RNF144A: variants seen among roughly 807,000 people sequenced by gnomAD.
The protein encoded by RNF144A is ring finger protein 144A.
Under a neutral mutation model 38.7 loss-of-function variants are expected in RNF144A, and 11 were observed. That is an observed-to-expected ratio of 0.28 (90% confidence interval 0.18 to 0.47). RNF144A has a LOEUF of 0.47. Ranked by LOEUF, RNF144A falls within the 20% of genes least tolerant of loss-of-function variation. The pLI, the probability that RNF144A is intolerant of heterozygous loss-of-function variation, is 0.99. For missense variants in RNF144A, 316 were observed against 377.2 expected, an observed-to-expected ratio of 0.84 and a Z score of 1.34; for synonymous variants, 149 against 143.9, an observed-to-expected ratio of 1.04 and a Z score of -0.25.
chr2:7,015,206 C>T (rs1239461208), intron 5 of RNF144A, among the ~76,000 whole-genome samples: 2 of 152,220 alleles, frequency 1.3e-5, no homozygotes, highest in South Asian at 2.1e-4. Flanking sequence ...AACAACAGTC[C>T]GATGGTAGGT....
chr2:6,922,750 G>C (rs1018948385), intron 1 of RNF144A, among the ~76,000 whole-genome samples: 1 of 150,950 alleles, frequency 6.6e-6, no homozygotes, highest in Non-Finnish European at 1.5e-5. Flanking sequence ...TCAGCCTCCC[G>C]AGTAGCTGGG....
intron 2 of RNF144A, among the ~76,000 whole-genome samples, chr2:6,994,421 A>G (rs1669589694): frequency 6.6e-6 from 1 of 152,248 alleles, no homozygotes; most frequent in Non-Finnish European, 1.5e-5. Flanking sequence ...TTAAAGCAGA[A>G]AAAAGATACA....
intron 3 of RNF144A, among the ~76,000 whole-genome samples, chr2:6,997,477 C>T (rs13418719): frequency 0.31 from 47,025 of 152,066 alleles, 7,642 homozygotes; most frequent in African/African-American, 0.39. Context: ...TCATCTCTCA[C>T]TGGCTTAGTG....
intron 6 of RNF144A, among the ~76,000 whole-genome samples, chr2:7,054,166 G>T (rs1214166445): frequency 1.5e-5 from 2 of 130,772 alleles, no homozygotes; most frequent in Middle Eastern, 4.3e-3. Context: ...CTGAGACAAG[G>T]CAGACAGTGT....
At chr2:7,015,117 C>T (rs1367760191) in intron 5 of RNF144A, among the ~76,000 whole-genome samples, 4 of 152,080 alleles carry the variant, frequency 2.6e-5, no homozygotes, top group Non-Finnish European at 5.9e-5. Context: ...CTTGGACTGG[C>T]CCAGAAGTTA....
Position 7,039,947 on chromosome 2 carries a change from G to T in RNF144A, c.*187G>T. On this transcript the variant is annotated 3_prime_UTR_variant, in exon 9 of 9. Coordinates refer to ENST00000320892, the MANE Select transcript of RNF144A (RefSeq NM_014746.6). ...AATGTTCGCTGAGGCCCCAGGTGTG[G>T]TGGGGAGGGGAGGCAGGTGTGGGTA... is the stretch of plus-strand genomic sequence containing the variant. The T allele has an allele frequency of 2.8e-6, 4 of 1,407,518 alleles. No homozygotes were observed. The highest frequency in any genetic ancestry group is 3.7e-6 in the Non-Finnish European group (4 of 1,082,112). 87.2% of individuals were successfully genotyped at this position (1,407,518 alleles called of 1,614,324 possible).
intron 7 of RNF144A, 103 bp from the exon 8 acceptor site, chr2:7,030,023 A>G (rs1672173514): frequency 1.2e-6 from 1 of 819,258 alleles, no homozygotes; most frequent in Non-Finnish European, 2.1e-6. Context: ...TCATGTCTCC[A>G]CTTATCATGA....
At chr2:6,968,659 A>G (rs890338726) in intron 2 of RNF144A, among the ~76,000 whole-genome samples, 2 of 151,942 alleles carry the variant, frequency 1.3e-5, no homozygotes, top group African/African-American at 4.8e-5. Context: ...TTCTCCTACC[A>G]TATAAAATAA....
intron 2 of RNF144A, among the ~76,000 whole-genome samples, chr2:6,983,650 C>G (rs1209201512): frequency 6.6e-6 from 1 of 152,196 alleles, no homozygotes; most frequent in Admixed American, 6.5e-5. Flanking sequence ...TCAGGAGTTT[C>G]CTGACTGTTT....
intron 1 of RNF144A, among the ~76,000 whole-genome samples, chr2:6,932,012 GT>G (rs964179471): frequency 6.6e-6 from 1 of 152,220 alleles, no homozygotes; most frequent in Non-Finnish European, 1.5e-5. Context: ...ATAAAGGGGT[GT>G]TAAAGTCTAC....
intron 3 of RNF144A, among the ~76,000 whole-genome samples, chr2:7,008,694 A>C (rs1311658489): frequency 6.6e-6 from 1 of 151,938 alleles, no homozygotes; most frequent in Non-Finnish European, 1.5e-5. Context: ...TCTTGGACAA[A>C]CTCAACACTG....
intron 2 of RNF144A, among the ~76,000 whole-genome samples, chr2:6,972,029 T>G (rs1487566672): frequency 1.3e-5 from 2 of 152,164 alleles, no homozygotes; most frequent in Non-Finnish European, 2.9e-5. Context: ...CATAGGCCCC[T>G]GGGGAGGAAT....
intron 1 of RNF144A, among the ~76,000 whole-genome samples, chr2:6,939,115 G>T (rs920051252): frequency 6.6e-6 from 1 of 152,122 alleles, no homozygotes; most frequent in Non-Finnish European, 1.5e-5. Context: ...TGGAAATGCT[G>T]GGCCATATGA....
At chr2:7,009,043 G>A (rs1670629860) in intron 3 of RNF144A, among the ~76,000 whole-genome samples, 1 of 152,024 alleles carries the variant, frequency 6.6e-6, no homozygotes, top group African/African-American at 2.4e-5. Context: ...GCCGCATAGG[G>A]CCACAGAGGC....
intron 2 of RNF144A, among the ~76,000 whole-genome samples, chr2:6,991,020 AT>A (rs912228750): frequency 2.4e-4 from 37 of 152,018 alleles, no homozygotes; most frequent in African/African-American, 8.0e-4. Flanking sequence ...TTGATGACTT[AT>A]TTTTTCAGTG....
chr2:7,052,534 G>A (rs1673572333), intron 6 of RNF144A, among the ~76,000 whole-genome samples: 1 of 152,180 alleles, frequency 6.6e-6, no homozygotes, highest in Non-Finnish European at 1.5e-5. Context: ...ACAGGGCTCT[G>A]TAGAGGCAGC....
intron 3 of RNF144A, among the ~76,000 whole-genome samples, chr2:7,003,053 C>T (rs1248149647): frequency 6.7e-6 from 1 of 150,320 alleles, no homozygotes; most frequent in African/African-American, 2.5e-5. Context: ...ATATTAAATA[C>T]ATATATACAC....
intron 2 of RNF144A, among the ~76,000 whole-genome samples, chr2:6,987,866 T>C (rs1339726445): frequency 1.3e-5 from 2 of 152,250 alleles, no homozygotes; most frequent in Non-Finnish European, 2.9e-5. Flanking sequence ...TTTCTTTCTT[T>C]TTTTGTATTT....
Position 7,039,975 on chromosome 2 carries a change from G to T in RNF144A, c.*215G>T. On this transcript the variant is annotated 3_prime_UTR_variant, in exon 9 of 9. Coordinates refer to ENST00000320892, the MANE Select transcript of RNF144A (RefSeq NM_014746.6). ...GGGAGGGGAGGCAGGTGTGGGTAGCGCACATCCCCACAGATCAATCTCTGC... is the reference window on the plus strand; with the variant it reads ...GGGAGGGGAGGCAGGTGTGGGTAGCTCACATCCCCACAGATCAATCTCTGC... 7.3e-7 allele frequency: 1 copy of T among 1,370,034 alleles called. No individual in the cohort carries two copies. The highest frequency in any genetic ancestry group is 2.9e-5 in the East Asian group (1 of 34,362). 84.9% of individuals were successfully genotyped at this position (1,370,034 alleles called of 1,614,324 possible). A position where few individuals can be genotyped will look rare whatever the true frequency, so the allele number is the denominator to read the frequency against.
Sources: allele counts gnomAD v4.1 joint callset (sites outside exome capture counted in the v4.1 genomes callset), GRCh38; gene constraint gnomAD v4.1.1; transcripts MANE v1.5; gene names NCBI Gene and HGNC (gene_info 2026-07-23, HGNC 2026-07-21).